DLG2: variants seen among roughly 807,000 people sequenced by gnomAD.
DLG2 encodes disks large homolog 2.
A neutral mutation model predicts 132.5 loss-of-function variants in DLG2; 45 were observed. That is an observed-to-expected ratio of 0.34 (90% CI 0.27 to 0.44). DLG2 has a LOEUF of 0.44. DLG2 is among the 20% of genes least tolerant of loss of function. The pLI, the probability that DLG2 is intolerant of heterozygous loss-of-function variation, is 1.00. For synonymous variants in DLG2, 424 were observed against 419.6 expected (o/e 1.01, Z -0.13); for missense variants, 1,045 against 1,196.9 (o/e 0.87, Z 1.87).
At chr11:85,617,722 GA>G (rs1189498316) in intron 2 of DLG2, among the ~76,000 whole-genome samples, 1 of 152,136 alleles carries the variant, frequency 6.6e-6, no homozygotes, top group Non-Finnish European at 1.5e-5. Flanking sequence ...ACCTATGAGA[GA>G]TGTTTAAATA....
chr11:84,593,863 A>G (rs1341270909), intron 6 of DLG2, among the ~76,000 whole-genome samples: 1 of 152,330 alleles, frequency 6.6e-6, no homozygotes, highest in Non-Finnish European at 1.5e-5. Flanking sequence ...AACATGCCCC[A>G]TCTTTGATAG....
intron 7 of DLG2, among the ~76,000 whole-genome samples, chr11:84,350,609 T>G (rs2098559637): frequency 6.6e-6 from 1 of 152,216 alleles, no homozygotes; most frequent in African/African-American, 2.4e-5. Flanking sequence ...TGGAATGAGT[T>G]GATACATTTA....
At chr11:85,366,743 A>G (rs1224763519) in intron 3 of DLG2, among the ~76,000 whole-genome samples, 1 of 152,156 alleles carries the variant, frequency 6.6e-6, no homozygotes, top group African/African-American at 2.4e-5. Flanking sequence ...ATATATAGCC[A>G]TAATCGTTGG....
intron 6 of DLG2, among the ~76,000 whole-genome samples, chr11:84,732,640 T>C (rs902544047): frequency 6.6e-5 from 10 of 151,560 alleles, no homozygotes; most frequent in Admixed American, 1.3e-4. Context: ...TTTATGTATA[T>C]ATATAAATAT....
Position 83,469,617 on chromosome 11 carries a change from A to G in DLG2, c.2447-244T>C, listed in dbSNP as rs1430081189. ...GAAGTACAGGGCTGTAATCTTTGAG[A>G]AAAGAGAAACATATGAGAGAGCATT... On this transcript the variant is annotated intron_variant, in intron 24 of 27. Coordinates refer to ENST00000376104, the MANE Select transcript of DLG2 (RefSeq NM_001142699.3). Among the ~76,000 whole-genome samples, 8 of 152,300 alleles carry G rather than the reference A, an allele frequency of 5.3e-5. No homozygotes were observed. The East Asian group carries it at 1.5e-3, about 29-fold the overall frequency.
chr11:84,722,856 G>T (rs979785484), intron 6 of DLG2, among the ~76,000 whole-genome samples: 1 of 152,110 alleles, frequency 6.6e-6, no homozygotes, highest in Admixed American at 6.6e-5. Flanking sequence ...TCTCCATTAG[G>T]AATCAGTACT....
chr11:84,797,176 G>T (rs1286813808), intron 6 of DLG2, among the ~76,000 whole-genome samples: 1 of 151,992 alleles, frequency 6.6e-6, no homozygotes, highest in Non-Finnish European at 1.5e-5. Flanking sequence ...TTGACTTTTG[G>T]TAGTTTAATT....
intron 4 of DLG2, among the ~76,000 whole-genome samples, chr11:85,238,205 TTTTATTTA>T (rs141877580): frequency 0.11 from 13,704 of 125,874 alleles, 787 homozygotes; most frequent in African/African-American, 0.16. Flanking sequence ...TTTATTTTTA[TTTTATTTA>T]TTTATTTATT....
At chr11:83,825,201 G>A (rs1321355121) in intron 17 of DLG2, among the ~76,000 whole-genome samples, 1 of 78,834 alleles carries the variant, frequency 1.3e-5, no homozygotes, top group Non-Finnish European at 2.4e-5. Flanking sequence ...TTTTTTTTGA[G>A]ATGGAATTTC....
intron 6 of DLG2, among the ~76,000 whole-genome samples, chr11:85,111,373 CAT>C (rs1271787110): frequency 7.9e-5 from 12 of 152,082 alleles, no homozygotes; most frequent in Middle Eastern, 3.2e-3. Flanking sequence ...TTCTGAAAAA[CAT>C]ATGTGCAAAT....
chr11:85,398,529 T>C (rs1274372045), intron 3 of DLG2, among the ~76,000 whole-genome samples: 1 of 151,966 alleles, frequency 6.6e-6, no homozygotes, highest in African/African-American at 2.4e-5. Context: ...GATAGACCAC[T>C]AGCAGGACTA....
intron 3 of DLG2, chr11:85,452,976 C>T (rs766217398): frequency 4.8e-6 from 1 of 206,382 alleles, no homozygotes; most frequent in Non-Finnish European, 1.0e-5. Flanking sequence ...TCAAGTACAC[C>T]TGATCAAAGA....
At chr11:84,289,088 G>C (rs1038301295) in intron 7 of DLG2, among the ~76,000 whole-genome samples, 4 of 151,934 alleles carry the variant, frequency 2.6e-5, no homozygotes, top group African/African-American at 9.7e-5. Context: ...AACACTAATT[G>C]AACAGAAACT....
intron 3 of DLG2, among the ~76,000 whole-genome samples, chr11:85,439,798 T>G (rs1477970996): frequency 6.6e-6 from 1 of 152,130 alleles, no homozygotes; most frequent in East Asian, 1.9e-4. Flanking sequence ...ACATTGCATA[T>G]TAAAGAGCCT....
At chr11:84,757,904 G>A (rs1221362581) in intron 6 of DLG2, among the ~76,000 whole-genome samples, 4 of 152,128 alleles carry the variant, frequency 2.6e-5, no homozygotes, top group Non-Finnish European at 5.9e-5. Flanking sequence ...CAGCCAAAAA[G>A]GCATGCCTCT....
intron 21 of DLG2, among the ~76,000 whole-genome samples, chr11:83,512,946 GT>G (rs987249158): frequency 6.6e-6 from 1 of 152,150 alleles, no homozygotes; most frequent in African/African-American, 2.4e-5. Flanking sequence ...GGACATTTGG[GT>G]TGGTTCCAAG....
intron 6 of DLG2, among the ~76,000 whole-genome samples, chr11:84,812,144 A>G (rs2076626745): frequency 6.6e-6 from 1 of 152,224 alleles, no homozygotes; most frequent in Non-Finnish European, 1.5e-5. Flanking sequence ...ATTATCCAGC[A>G]GCACCTCAAA....
In DLG2 at chr11:84,317,668, G is replaced by T. The variant is rs1454049951; in HGVS notation, c.520-66377C>A. Among the ~76,000 whole-genome samples, 10 of 152,236 alleles carry T rather than the reference G, an allele frequency of 6.6e-5. 1 individual carries two copies. In the South Asian group the frequency reaches 2.1e-3, roughly 32 times the overall value. On this transcript the variant is annotated intron_variant, in intron 7 of 27. Transcript: ENST00000376104. ...CTTTATAGCATAAGCAATAAAAAAT[G>T]ATGGGAAAGTTAACCTGTAAAGGAA...
chr11:84,763,015 T>G (rs914359960), intron 6 of DLG2, among the ~76,000 whole-genome samples: 1 of 152,130 alleles, frequency 6.6e-6, no homozygotes, highest in African/African-American at 2.4e-5. Flanking sequence ...CTCATAGACA[T>G]GCCATTCACT....
Sources: allele counts gnomAD v4.1 joint callset (sites outside exome capture counted in the v4.1 genomes callset), GRCh38; gene constraint gnomAD v4.1.1; transcripts MANE v1.5; gene names NCBI Gene and HGNC (gene_info 2026-07-23, HGNC 2026-07-21).